The following NRXN3 variants were observed in gnomAD, a reference collection of about 807,000 sequenced individuals.
NRXN3 encodes the protein neurexin 3, also known as neurexin III.
A neutral mutation model predicts 137.6 loss-of-function variants in NRXN3; 32 were observed. The observed-to-expected ratio is 0.23, with a 90% confidence interval of 0.18 to 0.31. The LOEUF is 0.31. Ranked by LOEUF, NRXN3 falls within the 10% of genes least tolerant of loss-of-function variation. The pLI, the probability that NRXN3 is intolerant of heterozygous loss-of-function variation, is 1.00. For missense variants in NRXN3, 1,574 were observed against 2,062.5 expected (o/e 0.76, Z 4.59); for synonymous variants, 798 against 784.5 (o/e 1.02, Z -0.29).
intron 15 of NRXN3, among the ~76,000 whole-genome samples, chr14:79,131,777 C>G (rs1179623096): frequency 3.3e-5 from 5 of 152,226 alleles, no homozygotes; most frequent in African/African-American, 9.6e-5. Flanking sequence ...CTCCCCCAGC[C>G]TTGCTGCCAC....
At chr14:79,141,976 T>C (rs1047344405) in intron 15 of NRXN3, among the ~76,000 whole-genome samples, 1 of 152,160 alleles carries the variant, frequency 6.6e-6, no homozygotes, top group African/African-American at 2.4e-5. Flanking sequence ...ATCTCAGCCA[T>C]CAAAATATCC....
chr14:78,993,834 ATTTTTTTTTTTTTTTTTT>A (rs58170856), intron 15 of NRXN3, among the ~76,000 whole-genome samples: 25 of 66,928 alleles, frequency 3.7e-4, no homozygotes, highest in Non-Finnish European at 4.7e-4. Context: ...GAGCCTTGAA[ATTTTTTTTTTTTTTTTTT>A]TTTTTTTTTT....
intron 15 of NRXN3, among the ~76,000 whole-genome samples, chr14:79,324,005 A>C (rs537202429): frequency 7.9e-4 from 121 of 152,352 alleles, no homozygotes; most frequent in African/African-American, 2.8e-3. Context: ...TCAATGCAGA[A>C]AATATTTGTT....
chr14:78,178,628 G>C (rs73316373), intron 1 of NRXN3, among the ~76,000 whole-genome samples: 1 of 152,148 alleles, frequency 6.6e-6, no homozygotes, highest in Admixed American at 6.5e-5. Flanking sequence ...GGCCCTCAGC[G>C]TGAGATTTCA....
intron 17 of NRXN3, among the ~76,000 whole-genome samples, chr14:79,689,003 C>G (rs1310667587): frequency 1.3e-5 from 2 of 152,030 alleles, no homozygotes; most frequent in Non-Finnish European, 2.9e-5. Flanking sequence ...ATTTGAAGAT[C>G]TCTTTGTATA....
intron 15 of NRXN3, among the ~76,000 whole-genome samples, chr14:79,439,655 T>C (rs2095900143): frequency 6.6e-6 from 1 of 152,188 alleles, no homozygotes; most frequent in African/African-American, 2.4e-5. Context: ...AAGTTAAAAG[T>C]CTCTTTCCAA....
chr14:78,334,905 T>G (rs7145060), intron 4 of NRXN3, among the ~76,000 whole-genome samples: 3,317 of 152,228 alleles, frequency 0.022, 115 homozygotes, highest in African/African-American at 0.075. Context: ...AGTGGAAATT[T>G]TTGCCAACAT....
chr14:79,523,377 T>C (rs1236492800), intron 16 of NRXN3, among the ~76,000 whole-genome samples: 1 of 152,202 alleles, frequency 6.6e-6, no homozygotes, highest in East Asian at 1.9e-4. Context: ...GCCATGTTTA[T>C]ATACAAAAGA....
chr14:79,255,937 T>A (rs2076509762), intron 15 of NRXN3, among the ~76,000 whole-genome samples: 1 of 152,224 alleles, frequency 6.6e-6, no homozygotes, highest in South Asian at 2.1e-4. Flanking sequence ...AATGGAAATT[T>A]GCCATGGGAG....
chr14:79,529,463 G>A lies in NRXN3; in HGVS notation c.3444+62061G>A, dbSNP rs189588971. Among the ~76,000 whole-genome samples, 4 of 152,300 alleles carry A rather than the reference G, an allele frequency of 2.6e-5. No homozygotes were observed. The East Asian group carries it at 7.8e-4, about 30-fold the overall frequency. On this transcript the variant is annotated intron_variant, in intron 16 of 20. Transcript: ENST00000335750. ...TTCCTTGTTGTTTTTTCTTAAAACA[G>A]GTACTGAGTATAAAACAATATAAAA...
intron 15 of NRXN3, among the ~76,000 whole-genome samples, chr14:79,394,954 C>T (rs1327552813): frequency 3.3e-5 from 5 of 152,288 alleles, no homozygotes; most frequent in South Asian, 2.1e-4. Flanking sequence ...CTTCTTGATG[C>T]CTCAGTGTCT....
intron 9 of NRXN3, among the ~76,000 whole-genome samples, chr14:78,808,331 C>T (rs2098889837): frequency 6.6e-6 from 1 of 152,178 alleles, no homozygotes; most frequent in South Asian, 2.1e-4. Context: ...AGCTTCTTGT[C>T]TAATAATAAA....
intron 8 of NRXN3, among the ~76,000 whole-genome samples, chr14:78,720,277 A>T (rs1475517762): frequency 1.3e-5 from 2 of 152,206 alleles, no homozygotes; most frequent in Non-Finnish European, 2.9e-5. Flanking sequence ...TCTACTTGAC[A>T]TCTCCATTTG....
chr14:78,788,511 A>G (rs1273572435), intron 8 of NRXN3, among the ~76,000 whole-genome samples: 3 of 152,176 alleles, frequency 2.0e-5, no homozygotes, highest in Non-Finnish European at 4.4e-5. Flanking sequence ...ATGAAAGGAA[A>G]GGATGAGAAT....
At chr14:79,292,020 C>T (rs1428784677) in intron 15 of NRXN3, among the ~76,000 whole-genome samples, 1 of 152,100 alleles carries the variant, frequency 6.6e-6, no homozygotes, top group African/African-American at 2.4e-5. Context: ...TTTACGGGAA[C>T]AGAAACTGAG....
intron 8 of NRXN3, among the ~76,000 whole-genome samples, chr14:78,802,602 C>T (rs964996896): frequency 7.2e-5 from 11 of 152,128 alleles, no homozygotes; most frequent in African/African-American, 2.7e-4. Flanking sequence ...TAGTGTTAAT[C>T]GAGGTAACAA....
chr14:79,085,445 A>G (rs1203744086), intron 15 of NRXN3, among the ~76,000 whole-genome samples: 2 of 152,198 alleles, frequency 1.3e-5, no homozygotes, highest in Non-Finnish European at 2.9e-5. Context: ...GAAGTTTTTG[A>G]ACGTGCCCAT....
chr14:79,142,477 T>C (rs551597186), intron 15 of NRXN3, among the ~76,000 whole-genome samples: 1 of 151,562 alleles, frequency 6.6e-6, no homozygotes, highest in East Asian at 1.9e-4. Flanking sequence ...GTGACCCCTG[T>C]CAGACTGAGG....
At chr14:78,787,043 A>C (rs1347601138) in intron 8 of NRXN3, among the ~76,000 whole-genome samples, 1 of 152,146 alleles carries the variant, frequency 6.6e-6, no homozygotes, top group Non-Finnish European at 1.5e-5. Flanking sequence ...AACTGATTTT[A>C]CTTTAATCAG....
Sources: gnomAD v4.1 joint callset for allele counts (sites outside exome capture counted in the v4.1 genomes callset) on GRCh38, gnomAD v4.1.1 for gene constraint, MANE v1.5 for transcripts, NCBI Gene and HGNC (gene_info 2026-07-23, HGNC 2026-07-21) for gene names.